The following CERKL variants were observed in gnomAD, a reference collection of about 807,000 sequenced individuals.
The protein encoded by CERKL is CERK like autophagy regulator.
CERKL carries 61 observed loss-of-function variants against 63.4 expected under a neutral mutation model. The ratio of observed to expected loss-of-function variants is 0.96; its 90% CI spans 0.78 to 1.19. CERKL has a LOEUF of 1.19. Among genes scored for constraint, CERKL ranks in the 50% most tolerant of loss-of-function variants. The pLI is 0.00. For synonymous variants in CERKL, 250 were observed against 230.5 expected, an observed-to-expected ratio of 1.08 and a Z score of -0.77; for missense variants, 675 against 655.5, an observed-to-expected ratio of 1.03 and a Z score of -0.33.
chr2:181,654,436 G>C (rs949229011), intron 1 of CERKL, among the ~76,000 whole-genome samples: 3 of 152,248 alleles, frequency 2.0e-5, no homozygotes, highest in Non-Finnish European at 4.4e-5. Flanking sequence ...ATTAGAAAAA[G>C]ATCACATAGT....
intron 9 of CERKL, 45 bp downstream of exon 9, chr2:181,547,777 C>G (rs148206460): frequency 4.2e-5 from 67 of 1,613,898 alleles, no homozygotes; most frequent in Non-Finnish European, 5.4e-5. Context: ...AACAAAATGT[C>G]AACAGAACCT....
chr2:181,648,605 C>T (rs1212916182), intron 1 of CERKL, among the ~76,000 whole-genome samples: 1 of 152,110 alleles, frequency 6.6e-6, no homozygotes, highest in East Asian at 1.9e-4. Context: ...AGAATATAAA[C>T]CTCACCAATA....
intron 2 of CERKL, among the ~76,000 whole-genome samples, chr2:181,578,257 T>TGG (rs904838702): frequency 1.6e-5 from 1 of 63,560 alleles, no homozygotes; most frequent in Non-Finnish European, 3.2e-5. Flanking sequence ...TATATGTGTG[T>TGG]GGGGGGGTAT....
Position 181,607,357 on chromosome 2 carries a change from TA to T in CERKL, c.239-3279del, listed in dbSNP as rs1467836192. Among the ~76,000 whole-genome samples, 22 of 152,334 alleles carry T rather than the reference TA, an allele frequency of 1.4e-4. 1 individual carries two copies. Among genetic ancestry groups the T allele is most frequent in the African/African-American group, 7.2e-5 (3 of 41,580 alleles). On this transcript the variant is annotated intron_variant, in intron 1 of 12. Coordinates refer to ENST00000410087, the MANE Select transcript of CERKL (RefSeq NM_201548.5). ...TTACAAATTCAACATTACAATTAAC[TA>T]AAATTCTTGTCTCCATTTTAACACT...
intron 1 of CERKL, among the ~76,000 whole-genome samples, chr2:181,612,658 T>A (rs1686017072): frequency 6.6e-6 from 1 of 152,146 alleles, no homozygotes; most frequent in African/African-American, 2.4e-5. Context: ...AAAACTAATG[T>A]ATGACTCTCC....
Position 181,537,917 on chromosome 2 carries a change from CAGCAGCAGCATT to C in CERKL, c.*255_*266del, listed in dbSNP as rs769084149. The C allele has an allele frequency of 1.7e-6, 1 of 581,120 alleles. No individual in the cohort carries two copies. The highest frequency in any genetic ancestry group is 1.8e-5 in the African/African-American group (1 of 54,636). The allele number at this position is 581,120 out of a possible 1,614,324, so 36.0% of individuals were successfully genotyped here. On this transcript the variant is annotated 3_prime_UTR_variant, in exon 13 of 13. Transcript: ENST00000410087. ...TACTGAGTTCCTCCCCCTGTCAGAT[CAGCAGCAGCATT>C]AGATTCTCATAGAAGTGCGAACCAT...
At chr2:181,556,870 A>C (rs1046104011) in intron 5 of CERKL, among the ~76,000 whole-genome samples, 2 of 152,198 alleles carry the variant, frequency 1.3e-5, no homozygotes, top group African/African-American at 4.8e-5. Context: ...ATAGTGTAAA[A>C]GTGTTCCTAT....
intron 2 of CERKL, among the ~76,000 whole-genome samples, chr2:181,579,150 G>T (rs1385477983): frequency 1.3e-5 from 2 of 151,862 alleles, no homozygotes; most frequent in African/African-American, 4.9e-5. Context: ...GGTACTTTCT[G>T]GATAAGTTAA....
At chr2:181,549,401 T>C (rs1268498179) in intron 6 of CERKL, among the ~76,000 whole-genome samples, 1 of 152,206 alleles carries the variant, frequency 6.6e-6, no homozygotes, top group African/African-American at 2.4e-5. Context: ...ATATTTTTTT[T>C]CTGTACAGAT....
At chr2:181,606,248 AGGAGGAAGACAGGGAGTGGGGGGTG>A (rs1559101701) in intron 1 of CERKL, among the ~76,000 whole-genome samples, 1 of 116,934 alleles carries the variant, frequency 8.6e-6, no homozygotes, top group Non-Finnish European at 1.7e-5. Context: ...ATGGAAGACA[AGGAGGAAGACAGGGAGTGGGGGGTG>A]GGAGGAAGAC....
rs771072583 is a variant in CERKL, at chr2:181,539,132, C to T, written c.1498G>A (p.Asp500Asn). The T allele has an allele frequency of 2.5e-5, 41 of 1,608,612 alleles. No individual in the cohort carries two copies. Among genetic ancestry groups the T allele is most frequent in the Middle Eastern group, 3.3e-4 (2 of 6,072 alleles). ...ASENCFPWNVDGDLMEVASEV... is the reference protein window; with the variant it reads ...ASENCFPWNVNGDLMEVASEV... ...GATGCAACTTCCATTAAGTCACCAT[C>T]TACATTCCAAGGGAAACAATTTTCT... The change falls in exon 12 of 13, where the codon GAT (aspartate) becomes AAT (asparagine). Residue 500 changes from aspartate (D) to asparagine (N), a missense_variant. Transcript: ENST00000410087.
At chr2:181,546,054 G>A (rs578076180) in intron 10 of CERKL, among the ~76,000 whole-genome samples, 97 of 152,220 alleles carry the variant, frequency 6.4e-4, no homozygotes, top group Non-Finnish European at 1.2e-3. Context: ...TGAATCATCA[G>A]AAGCTACATC....
At chr2:181,552,385 AGT>A (rs1688024090) in intron 5 of CERKL, among the ~76,000 whole-genome samples, 2 of 152,034 alleles carry the variant, frequency 1.3e-5, no homozygotes, top group African/African-American at 4.8e-5. Flanking sequence ...TGTGATAGTG[AGT>A]GAGTTCTCAT....
At chr2:181,652,775 ATGAC>A (rs1326159936) in intron 1 of CERKL, among the ~76,000 whole-genome samples, 6 of 92,154 alleles carry the variant, frequency 6.5e-5, no homozygotes, top group Non-Finnish European at 1.5e-4. Context: ...TAAAATAATA[ATGAC>A]TTTTTTTTTT....
intron 2 of CERKL, among the ~76,000 whole-genome samples, chr2:181,591,097 C>A (rs1321714120): frequency 6.6e-6 from 1 of 152,148 alleles, no homozygotes; most frequent in African/African-American, 2.4e-5. Flanking sequence ...CTCTGTGACA[C>A]GATATGGAGT....
intron 3 of CERKL, among the ~76,000 whole-genome samples, chr2:181,568,834 C>A (rs182926176): frequency 7.3e-5 from 11 of 149,972 alleles, no homozygotes; most frequent in East Asian, 3.9e-4. Context: ...ATCCCTCCCC[C>A]CTCCCACCAC....
At chr2:181,618,668 T>G (rs1686319819) in intron 1 of CERKL, among the ~76,000 whole-genome samples, 1 of 152,206 alleles carries the variant, frequency 6.6e-6, no homozygotes, top group Non-Finnish European at 1.5e-5. Context: ...CGCCTCGGCC[T>G]CGCATAGTGT....
intron 1 of CERKL, among the ~76,000 whole-genome samples, chr2:181,609,411 G>A (rs1330476621): frequency 6.6e-6 from 1 of 150,728 alleles, no homozygotes; most frequent in East Asian, 1.9e-4. Context: ...AAAGCAATGA[G>A]GGGGCCAGGC....
chr2:181,617,721 A>T (rs1239006499), intron 1 of CERKL, among the ~76,000 whole-genome samples: 1 of 152,228 alleles, frequency 6.6e-6, no homozygotes, highest in Non-Finnish European at 1.5e-5. Context: ...ATCCATTCAA[A>T]GTACAAGACA....
Sources: allele counts gnomAD v4.1 joint callset (sites outside exome capture counted in the v4.1 genomes callset), GRCh38; gene constraint gnomAD v4.1.1; transcripts MANE v1.5; gene names NCBI Gene and HGNC (gene_info 2026-07-23, HGNC 2026-07-21).